AGBL4: variants seen among roughly 807,000 people sequenced by gnomAD.
AGBL4 encodes the protein AGBL carboxypeptidase 4, also known as cytosolic carboxypeptidase 6.
Under a neutral mutation model 66.4 loss-of-function variants are expected in AGBL4, and 58 were observed. The ratio of observed to expected loss-of-function variants is 0.87; its 90% confidence interval spans 0.71 to 1.09. The LOEUF is 1.09. AGBL4 is among the 50% of genes least tolerant of loss of function. The probability of loss-of-function intolerance (pLI) is 0.00; values close to 1 mark genes in which losing one functional copy is unlikely to be tolerated. For synonymous variants in AGBL4, 234 were observed against 222.9 expected, an observed-to-expected ratio of 1.05 and a Z score of -0.44; for missense variants, 579 against 631.0, an observed-to-expected ratio of 0.92 and a Z score of 0.88.
At chr1:48,897,070 T>C (rs1651589098) in intron 5 of AGBL4, among the ~76,000 whole-genome samples, 1 of 152,234 alleles carries the variant, frequency 6.6e-6, no homozygotes, top group East Asian at 1.9e-4. Flanking sequence ...ATATCATCTT[T>C]ACCATTTTAA....
chr1:48,593,009 A>T (rs545321885), intron 9 of AGBL4, among the ~76,000 whole-genome samples: 1 of 152,330 alleles, frequency 6.6e-6, no homozygotes, highest in South Asian at 2.1e-4. Flanking sequence ...ACTTTAAAGA[A>T]CCAGCACCTG....
At chr1:48,744,879 T>C (rs1213668801) in intron 6 of AGBL4, among the ~76,000 whole-genome samples, 2 of 152,196 alleles carry the variant, frequency 1.3e-5, no homozygotes, top group African/African-American at 2.4e-5. Context: ...TCCAGGCCTC[T>C]GTGCTGTTTG....
chr1:48,877,106 T>C (rs1478080847), intron 5 of AGBL4, among the ~76,000 whole-genome samples: 4 of 152,158 alleles, frequency 2.6e-5, no homozygotes, highest in Non-Finnish European at 5.9e-5. Flanking sequence ...TGCCATATTG[T>C]TCTGTACTGT....
intron 1 of AGBL4, among the ~76,000 whole-genome samples, chr1:49,880,004 A>C (rs1359325945): frequency 6.7e-6 from 1 of 149,754 alleles, no homozygotes; most frequent in Non-Finnish European, 1.5e-5. Flanking sequence ...CTTGGTTTTC[A>C]GCTCCATCAG....
intron 3 of AGBL4, among the ~76,000 whole-genome samples, chr1:49,362,654 C>T (rs947646206): frequency 1.3e-5 from 2 of 151,936 alleles, no homozygotes; most frequent in Admixed American, 1.3e-4. Context: ...TTTTCTACAC[C>T]AACAATTTCA....
At chr1:49,261,259 T>C (rs1255825126) in intron 3 of AGBL4, among the ~76,000 whole-genome samples, 1 of 151,876 alleles carries the variant, frequency 6.6e-6, no homozygotes, top group African/African-American at 2.4e-5. Flanking sequence ...AAGACAGGGA[T>C]GCCCTCTCTC....
chr1:49,932,919 T>C (rs768183859), intron 1 of AGBL4, among the ~76,000 whole-genome samples: 1 of 152,176 alleles, frequency 6.6e-6, no homozygotes, highest in South Asian at 2.1e-4. Flanking sequence ...ACAAACCTTA[T>C]GAAACACAGG....
At chr1:49,379,860 C>T (rs1420373999) in intron 3 of AGBL4, among the ~76,000 whole-genome samples, 2 of 151,942 alleles carry the variant, frequency 1.3e-5, no homozygotes, top group African/African-American at 2.4e-5. Flanking sequence ...TGTGTCTCTG[C>T]CCGGCTTTGG....
At chr1:49,190,425 T>G (rs1647095386) in intron 4 of AGBL4, among the ~76,000 whole-genome samples, 1 of 152,312 alleles carries the variant, frequency 6.6e-6, no homozygotes, top group African/African-American at 2.4e-5. Context: ...TGAGCTTAAC[T>G]TTTTATCAAT....
At chr1:49,959,045 C>T (rs1007104386) in intron 1 of AGBL4, among the ~76,000 whole-genome samples, 15 of 151,260 alleles carry the variant, frequency 9.9e-5, no homozygotes, top group African/African-American at 3.6e-4. Flanking sequence ...CAAAATTCTA[C>T]CTTTGACTAG....
At chr1:49,860,018 T>C (rs1369441985) in intron 1 of AGBL4, among the ~76,000 whole-genome samples, 1 of 152,168 alleles carries the variant, frequency 6.6e-6, no homozygotes, top group Non-Finnish European at 1.5e-5. Flanking sequence ...CTAATAAACA[T>C]TTGCAAAATC....
rs555903230 is a variant in AGBL4 at position 48,665,386 on chromosome 1, G to T, written c.635-2145C>A. 2.0e-5 allele frequency among the ~76,000 whole-genome samples: 3 copies of T among 152,328 alleles called. No individual in the cohort carries two copies. The South Asian group carries it at 6.2e-4, about 32-fold the overall frequency. Reference sequence around the variant, plus strand: ...TCCCAGGACCCCCTGCATGGAGTAGGTGCTCGAGGACTGGCTATTGAATTA... The same window carrying T: ...TCCCAGGACCCCCTGCATGGAGTAGTTGCTCGAGGACTGGCTATTGAATTA... On this transcript the variant is annotated intron_variant, in intron 6 of 13. Coordinates refer to ENST00000371839, the MANE Select transcript of AGBL4 (RefSeq NM_032785.4).
chr1:48,786,310 T>C (rs1040967406), intron 6 of AGBL4, among the ~76,000 whole-genome samples: 1 of 152,238 alleles, frequency 6.6e-6, no homozygotes, highest in Non-Finnish European at 1.5e-5. Flanking sequence ...ATCTCCATTT[T>C]TCTGATGAGG....
chr1:48,980,769 A>AAC (rs1659705588), intron 5 of AGBL4, among the ~76,000 whole-genome samples: 1 of 99,196 alleles, frequency 1.0e-5, no homozygotes, highest in African/African-American at 3.7e-5. Flanking sequence ...ATATATATAT[A>AAC]TATATATATA....
intron 1 of AGBL4, among the ~76,000 whole-genome samples, chr1:49,940,218 A>G (rs1354040066): frequency 1.3e-5 from 2 of 152,158 alleles, no homozygotes; most frequent in East Asian, 1.9e-4. Context: ...GCTGGAGAGG[A>G]TGTGGAGAAA....
rs186878914 is a variant in AGBL4, at chr1:49,696,989, C to A, written c.282+324G>T. ...AAAGAAGAGACAATAGAGAACAATA[C>A]CCTTTGTAAACATAATAGCAAGTCT... On this transcript the variant is annotated intron_variant, in intron 3 of 13. Transcript: ENST00000371839. 5.3e-4 allele frequency among the ~76,000 whole-genome samples: 80 copies of A among 152,182 alleles called. No homozygotes were observed. The Middle Eastern group carries it at 0.01, about 19-fold the overall frequency.
chr1:48,950,391 C>T (rs1312932848), intron 5 of AGBL4, among the ~76,000 whole-genome samples: 1 of 152,200 alleles, frequency 6.6e-6, no homozygotes, highest in East Asian at 1.9e-4. Flanking sequence ...AGCCACCGCA[C>T]CTGGCCGACC....
intron 3 of AGBL4, among the ~76,000 whole-genome samples, chr1:49,520,849 GC>G (rs1650202020): frequency 7.1e-6 from 1 of 140,608 alleles, no homozygotes; most frequent in Admixed American, 7.4e-5. Flanking sequence ...TTGCTCTGTT[GC>G]CCAGGCTGGA....
intron 4 of AGBL4, among the ~76,000 whole-genome samples, chr1:49,084,529 T>TA (rs764416004): frequency 9.9e-5 from 15 of 152,126 alleles, no homozygotes; most frequent in Non-Finnish European, 1.8e-4. Flanking sequence ...CTCATGAGAC[T>TA]TACTGACTAC....
Sources: allele counts gnomAD v4.1 joint callset (sites outside exome capture counted in the v4.1 genomes callset), GRCh38; gene constraint gnomAD v4.1.1; transcripts MANE v1.5; gene names NCBI Gene and HGNC (gene_info 2026-07-23, HGNC 2026-07-21).